CNTN5: variants seen among roughly 807,000 people sequenced by gnomAD.
CNTN5 encodes the protein contactin 5.
CNTN5 carries 77 observed loss-of-function variants against 129.1 expected under a neutral mutation model. The ratio of observed to expected loss-of-function variants is 0.60; its 90% CI spans 0.50 to 0.72. The LOEUF is 0.72. Ranked by LOEUF, CNTN5 falls within the 30% of genes least tolerant of loss-of-function variation. The pLI is 0.00. For synonymous variants in CNTN5, 509 were observed against 465.6 expected (o/e 1.09, Z -1.20); for missense variants, 1,478 against 1,328.8 (o/e 1.11, Z -1.75).
intron 6 of CNTN5, among the ~76,000 whole-genome samples, chr11:99,862,744 TAGTA>T (rs1252798080): frequency 6.6e-6 from 1 of 152,134 alleles, no homozygotes; most frequent in Non-Finnish European, 1.5e-5. Context: ...GAAAGGATCT[TAGTA>T]AGAGAAAAGC....
intron 2 of CNTN5, among the ~76,000 whole-genome samples, chr11:99,412,584 T>A (rs1264695343): frequency 6.6e-6 from 1 of 152,222 alleles, no homozygotes; most frequent in Non-Finnish European, 1.5e-5. Context: ...ATTGTTGATA[T>A]TTATTACACA....
chr11:99,863,148 C>A (rs1327933653), intron 6 of CNTN5, among the ~76,000 whole-genome samples: 1 of 152,130 alleles, frequency 6.6e-6, no homozygotes, highest in Admixed American at 6.6e-5. Context: ...TTTATGGCCT[C>A]TCTCCTAGTG....
intron 1 of CNTN5, among the ~76,000 whole-genome samples, chr11:99,099,417 C>T (rs1461275656): frequency 6.6e-6 from 1 of 152,058 alleles, no homozygotes; most frequent in African/African-American, 2.4e-5. Context: ...GTCTTTTCTA[C>T]TGTGTAATAT....
chr11:100,011,631 T>G (rs1184331290), intron 9 of CNTN5, among the ~76,000 whole-genome samples: 1 of 152,148 alleles, frequency 6.6e-6, no homozygotes, highest in Non-Finnish European at 1.5e-5. Flanking sequence ...TCCTGCCCTT[T>G]TTAGTTCCTG....
At chr11:99,075,493 A>C (rs1208233946) in intron 1 of CNTN5, among the ~76,000 whole-genome samples, 1 of 151,992 alleles carries the variant, frequency 6.6e-6, no homozygotes, top group Non-Finnish European at 1.5e-5. Flanking sequence ...TAGATAAAAC[A>C]AATCAAAAGA....
At chr11:99,846,149 C>CACACAG (rs551428987) in intron 6 of CNTN5, among the ~76,000 whole-genome samples, 2 of 151,092 alleles carry the variant, frequency 1.3e-5, no homozygotes. Flanking sequence ...CACACACACA[C>CACACAG]ACACACACAC....
intron 8 of CNTN5, among the ~76,000 whole-genome samples, chr11:99,975,860 G>T (rs1565744314): frequency 6.6e-6 from 1 of 152,064 alleles, no homozygotes; most frequent in Admixed American, 6.6e-5. Context: ...AACCAATCTT[G>T]CTTTCTTAAC....
intron 8 of CNTN5, among the ~76,000 whole-genome samples, chr11:99,978,690 T>C (rs547415063): frequency 5.9e-5 from 9 of 152,160 alleles, no homozygotes; most frequent in Non-Finnish European, 8.8e-5. Context: ...ATCATCTAGG[T>C]TTTTGTAAGT....
At chr11:100,207,383 ACT>A (rs896427993) in intron 15 of CNTN5, among the ~76,000 whole-genome samples, 2 of 151,916 alleles carry the variant, frequency 1.3e-5, no homozygotes, top group Non-Finnish European at 2.9e-5. Flanking sequence ...CTTAAAATCA[ACT>A]CTTTTTCTTT....
chr11:100,334,531 A>C (rs1186212736), intron 21 of CNTN5, among the ~76,000 whole-genome samples: 6 of 152,166 alleles, frequency 3.9e-5, no homozygotes, highest in Non-Finnish European at 1.5e-5. Flanking sequence ...ACGAGCCCAA[A>C]TGTTCATCAA....
rs74982325 is a variant in CNTN5, at chr11:99,152,708, C to A, written c.-210+131438C>A. Among the ~76,000 whole-genome samples the A allele has an allele frequency of 2.1e-3, 326 of 152,268 alleles. 2 individuals are homozygous for A. The highest frequency in any genetic ancestry group is 7.4e-3 in the African/African-American group (309 of 41,556). ...TCATATTGTTTAGCTTGTTATCATG[C>A]CAGACTTCATTGTGTGGTTGCTTTA... On this transcript the variant is annotated intron_variant, in intron 1 of 24. Transcript: ENST00000524871.
rs5793994 is a variant in CNTN5, at chr11:99,549,092, CTT to C, written c.-70-7042_-70-7041del. ...TTCCTCTTTCTCATGGTGTCAATTC[CTT>C]TTTTTTTTTTATAACACAAGTAATA... On this transcript the variant is annotated intron_variant, in intron 2 of 24. Coordinates refer to ENST00000524871, the MANE Select transcript of CNTN5 (RefSeq NM_014361.4). 5.7e-4 allele frequency among the ~76,000 whole-genome samples: 84 copies of C among 146,896 alleles called. 1 individual carries two copies. The highest frequency in any genetic ancestry group is 1.2e-3 in the East Asian group (6 of 5,052).
At chr11:99,326,841 C>G (rs544004614) in intron 2 of CNTN5, among the ~76,000 whole-genome samples, 1 of 152,174 alleles carries the variant, frequency 6.6e-6, no homozygotes, top group African/African-American at 2.4e-5. Flanking sequence ...TAATCCATTG[C>G]TATATTCTAA....
At chr11:100,125,467 G>C (rs1946154408) in intron 13 of CNTN5, among the ~76,000 whole-genome samples, 1 of 151,950 alleles carries the variant, frequency 6.6e-6, no homozygotes, top group Admixed American at 6.6e-5. Context: ...ATGACCTTCA[G>C]CTCCACCTTG....
At chr11:99,375,003 G>A (rs1248444733) in intron 2 of CNTN5, among the ~76,000 whole-genome samples, 5 of 152,060 alleles carry the variant, frequency 3.3e-5, no homozygotes, top group Admixed American at 1.3e-4. Context: ...AACTAGATCT[G>A]AAGAAAATGG....
chr11:99,707,776 G>A (rs767489087), intron 3 of CNTN5, among the ~76,000 whole-genome samples: 26 of 151,520 alleles, frequency 1.7e-4, no homozygotes, highest in Non-Finnish European at 2.8e-4. Flanking sequence ...AAAATGTTTA[G>A]CCTTCCCATA....
chr11:99,480,585 T>A (rs945085059), intron 2 of CNTN5, among the ~76,000 whole-genome samples: 4 of 152,210 alleles, frequency 2.6e-5, no homozygotes, highest in African/African-American at 9.6e-5. Context: ...TGTTTGCATA[T>A]TCTTGAGATT....
intron 17 of CNTN5, among the ~76,000 whole-genome samples, chr11:100,264,891 T>G (rs181381778): frequency 1.1e-4 from 17 of 152,138 alleles, no homozygotes; most frequent in Non-Finnish European, 4.4e-5. Flanking sequence ...CTCACCAACA[T>G]CTGTTTTTTC....
chr11:99,790,233 T>C (rs1355752753), intron 3 of CNTN5, among the ~76,000 whole-genome samples: 1 of 152,114 alleles, frequency 6.6e-6, no homozygotes, highest in South Asian at 2.1e-4. Flanking sequence ...GTTGTAGAAG[T>C]AAATTGTGTT....
Sources: allele counts gnomAD v4.1 joint callset (sites outside exome capture counted in the v4.1 genomes callset), GRCh38; gene constraint gnomAD v4.1.1; transcripts MANE v1.5; gene names NCBI Gene and HGNC (gene_info 2026-07-23, HGNC 2026-07-21).